Variants in SESN1 observed in about 807,000 individuals in gnomAD.
SESN1 encodes the protein sestrin-1.
Under a neutral mutation model 59.3 loss-of-function variants are expected in SESN1, and 30 were observed. The observed-to-expected ratio is 0.51, with a 90% CI of 0.38 to 0.69. The LOEUF is 0.69. SESN1 is among the 30% of genes least tolerant of loss of function. The probability of loss-of-function intolerance (pLI) is 0.00; values close to 1 mark genes in which losing one functional copy is unlikely to be tolerated. For synonymous variants in SESN1, 197 were observed against 219.9 expected, an observed-to-expected ratio of 0.90 and a Z score of 0.92; for missense variants, 566 against 673.0, an observed-to-expected ratio of 0.84 and a Z score of 1.76.
At chr6:109,038,669 G>A (rs577030160) in intron 1 of SESN1, among the ~76,000 whole-genome samples, 2 of 152,336 alleles carry the variant, frequency 1.3e-5, no homozygotes, top group African/African-American at 4.8e-5. Flanking sequence ...ATGTGGGACA[G>A]AATTGCCTAT....
At chr6:109,069,045 A>G (rs1562473353) in intron 1 of SESN1, among the ~76,000 whole-genome samples, 1 of 152,114 alleles carries the variant, frequency 6.6e-6, no homozygotes, top group Non-Finnish European at 1.5e-5. Flanking sequence ...CTAAAGATAA[A>G]TGAAAGCATC....
At chr6:109,092,533 C>G (rs1263707014) in intron 1 of SESN1, among the ~76,000 whole-genome samples, 1 of 152,146 alleles carries the variant, frequency 6.6e-6, no homozygotes, top group Non-Finnish European at 1.5e-5. Flanking sequence ...GTCAAGTATC[C>G]TGACGGCAAA....
At chr6:109,015,885 T>TA (rs1281206633) in intron 1 of SESN1, among the ~76,000 whole-genome samples, 1 of 152,236 alleles carries the variant, frequency 6.6e-6, no homozygotes, top group Non-Finnish European at 1.5e-5. Context: ...CATTTGTACC[T>TA]AAACAATGTG....
intron 1 of SESN1, among the ~76,000 whole-genome samples, chr6:109,011,814 A>G (rs1779863817): frequency 6.6e-6 from 1 of 151,632 alleles, no homozygotes; most frequent in Admixed American, 6.6e-5. Context: ...TTTTTTGTAG[A>G]GATAGGGTCT....
intron 1 of SESN1, among the ~76,000 whole-genome samples, chr6:109,026,392 TA>T (rs1438903036): frequency 6.6e-6 from 1 of 152,254 alleles, no homozygotes; most frequent in Admixed American, 6.5e-5. Context: ...AATTCTCACC[TA>T]CCCAGAATAG....
chr6:109,057,423 T>C (rs546111824), intron 1 of SESN1, among the ~76,000 whole-genome samples: 1 of 152,348 alleles, frequency 6.6e-6, no homozygotes, highest in East Asian at 1.9e-4. Flanking sequence ...GACTGCCTAA[T>C]TAAGACTTCT....
chr6:109,049,571 G>A (rs1304128020), intron 1 of SESN1, among the ~76,000 whole-genome samples: 1 of 151,796 alleles, frequency 6.6e-6, no homozygotes, highest in Non-Finnish European at 1.5e-5. Context: ...TTTAGATGAC[G>A]GATTTGCTAA....
At chr6:109,031,914 C>A (rs565594608) in intron 1 of SESN1, among the ~76,000 whole-genome samples, 1 of 152,158 alleles carries the variant, frequency 6.6e-6, no homozygotes, top group East Asian at 1.9e-4. Flanking sequence ...GGGATGGAAC[C>A]CAAGTCTAAA....
chr6:109,082,276 C>A (rs367881030), intron 1 of SESN1, among the ~76,000 whole-genome samples: 1 of 152,074 alleles, frequency 6.6e-6, no homozygotes, highest in Non-Finnish European at 1.5e-5. Context: ...GCATATAGTG[C>A]TAGAGGGCTC....
At chr6:108,989,403 A>C (rs182077153) in intron 8 of SESN1, among the ~76,000 whole-genome samples, 1 of 149,522 alleles carries the variant, frequency 6.7e-6, no homozygotes, top group African/African-American at 2.4e-5. Flanking sequence ...CTATATATAG[A>C]TAGATATCTC....
At chr6:109,075,149 A>G (rs1339749591) in intron 1 of SESN1, among the ~76,000 whole-genome samples, 1 of 152,190 alleles carries the variant, frequency 6.6e-6, no homozygotes, top group Non-Finnish European at 1.5e-5. Flanking sequence ...AGCACACTCT[A>G]TTCTGACATT....
At chr6:109,091,568 A>G (rs1449102477) in intron 1 of SESN1, among the ~76,000 whole-genome samples, 2 of 152,150 alleles carry the variant, frequency 1.3e-5, no homozygotes, top group African/African-American at 4.8e-5. Flanking sequence ...ACCGTTCCCT[A>G]TGTCCGGAAT....
chr6:108,997,762 G>T (rs1367061223), intron 5 of SESN1, among the ~76,000 whole-genome samples: 1 of 152,120 alleles, frequency 6.6e-6, no homozygotes. Context: ...CATTCAGATG[G>T]CTGTGGTACT....
chr6:109,033,328 T>A (rs1780210588), intron 1 of SESN1, among the ~76,000 whole-genome samples: 1 of 152,220 alleles, frequency 6.6e-6, no homozygotes, highest in African/African-American at 2.4e-5. Context: ...AAACTGATTA[T>A]TAATTAGAAT....
intron 1 of SESN1, among the ~76,000 whole-genome samples, chr6:109,018,638 G>A (rs1420969413): frequency 1.3e-5 from 2 of 152,096 alleles, no homozygotes; most frequent in African/African-American, 2.4e-5. Flanking sequence ...GGTGCTTATT[G>A]TTTTAACTTT....
intron 1 of SESN1, among the ~76,000 whole-genome samples, chr6:109,065,816 T>C (rs1780815501): frequency 6.6e-6 from 1 of 151,816 alleles, no homozygotes; most frequent in Admixed American, 6.6e-5. Flanking sequence ...AATATTACTT[T>C]AAAATATTGA....
At chr6:108,999,612 A>G (rs1300716965) in intron 4 of SESN1, among the ~76,000 whole-genome samples, 1 of 152,186 alleles carries the variant, frequency 6.6e-6, no homozygotes, top group Non-Finnish European at 1.5e-5. Flanking sequence ...GCTGAAATCC[A>G]AAACACTGAC....
chr6:109,093,550 T>C (rs1781380960), intron 1 of SESN1, among the ~76,000 whole-genome samples: 1 of 152,050 alleles, frequency 6.6e-6, no homozygotes, highest in Non-Finnish European at 1.5e-5. Context: ...TAAAAAGAAA[T>C]ATAAGGAAAA....
At chr6:109,080,845 C>T (rs573594438) in intron 1 of SESN1, among the ~76,000 whole-genome samples, 82 of 152,144 alleles carry the variant, frequency 5.4e-4, no homozygotes, top group African/African-American at 2.0e-3. Flanking sequence ...AGAACTGACA[C>T]GACACCCCAA....
Sources: gnomAD v4.1 joint callset for allele counts (sites outside exome capture counted in the v4.1 genomes callset) on GRCh38, gnomAD v4.1.1 for gene constraint, MANE v1.5 for transcripts, NCBI Gene and HGNC (gene_info 2026-07-23, HGNC 2026-07-21) for gene names.